The following HACL1 variants were observed in gnomAD, a reference collection of about 807,000 sequenced individuals.
HACL1 encodes 1600020H07Rik.
Under a neutral mutation model 74.2 loss-of-function variants are expected in HACL1, and 64 were observed. The observed-to-expected ratio is 0.86, with a 90% CI of 0.70 to 1.06. The LOEUF is 1.06. HACL1 is among the 50% of genes least tolerant of loss of function. The probability of loss-of-function intolerance (pLI) is 0.00; values close to 1 mark genes in which losing one functional copy is unlikely to be tolerated. For synonymous variants in HACL1, 230 were observed against 238.8 expected, an observed-to-expected ratio of 0.96 and a Z score of 0.34; for missense variants, 728 against 719.7, an observed-to-expected ratio of 1.01 and a Z score of -0.13.
intron 12 of HACL1, among the ~76,000 whole-genome samples, chr3:15,569,990 C>CAA (rs537803277): frequency 3.2e-5 from 4 of 123,492 alleles, no homozygotes; most frequent in Non-Finnish European, 5.2e-5. Context: ...AACTCCATCT[C>CAA]AAAAAAAAAA....
At chr3:15,575,774 C>A (rs2063614345) in intron 9 of HACL1, among the ~76,000 whole-genome samples, 1 of 152,072 alleles carries the variant, frequency 6.6e-6, no homozygotes, top group African/African-American at 2.4e-5. Context: ...CTCCTGGTTT[C>A]AAGTGATTCG....
chr3:15,567,789 T>G (rs1364421353), intron 14 of HACL1, 55 bp downstream of exon 14: 1 of 1,502,514 alleles, frequency 6.7e-7, no homozygotes, highest in Non-Finnish European at 9.3e-7. Flanking sequence ...GGGTCTTGTG[T>G]GTCATTTTTC....
chr3:15,566,814 AC>A (rs1322801327), intron 14 of HACL1, among the ~76,000 whole-genome samples: 2 of 117,400 alleles, frequency 1.7e-5, no homozygotes, highest in African/African-American at 6.8e-5. Context: ...TGGTTAAGTG[AC>A]TTTTTTTTTT....
chr3:15,580,995 G>A (rs1188569053), intron 8 of HACL1, among the ~76,000 whole-genome samples: 16 of 152,228 alleles, frequency 1.1e-4, no homozygotes, highest in East Asian at 7.7e-4. Flanking sequence ...TCCACCTCCC[G>A]GGTTCAAGCG....
In HACL1 at chr3:15,601,568, C is replaced by T. The variant is rs745928979; in HGVS notation, c.-105G>A. 1.9e-6 allele frequency: 3 copies of T among 1,599,684 alleles called. No individual in the cohort carries two copies. The highest frequency in any genetic ancestry group is 2.7e-5 in the African/African-American group (2 of 74,882). ...GCACGCCACCTCTGGTACTGCACCT[C>T]TGACGGACAGGAGGGCAACCAACTG... On this transcript the variant is annotated 5_prime_UTR_variant, in exon 1 of 17. Transcript: ENST00000321169.
At position 15,596,385 on chromosome 3, in the gene HACL1, T is replaced by C. The variant is rs2064065165; in HGVS notation, c.226A>G (p.Arg76Gly). The change falls in exon 3 of 17, where the codon AGG becomes GGG. Residue 76 changes from arginine (R) to glycine (G), a missense_variant and splice_region_variant. Transcript: ENST00000321169. Reference protein sequence around the residue: ...AASAIGYLTSRPGVCLVVSGP... With the variant: ...AASAIGYLTSGPGVCLVVSGP... Reference sequence around the variant, plus strand: ...GAAGTGAAACAAATTTTAGTTTACCTGCTTGTCAGATATCCAATCGCGGAG... The same window carrying C: ...GAAGTGAAACAAATTTTAGTTTACCCGCTTGTCAGATATCCAATCGCGGAG... 3.8e-6 allele frequency: 6 copies of C among 1,579,336 alleles called. No homozygotes were observed. Among genetic ancestry groups the C allele is most frequent in the African/African-American group, 1.3e-5 (1 of 74,236 alleles).
At chr3:15,596,072 T>A (rs1311454803) in intron 3 of HACL1, 1 of 248,486 alleles carries the variant, frequency 4.0e-6, no homozygotes, top group African/African-American at 2.2e-5. Flanking sequence ...AACAGTCACA[T>A]TTTGAACCAA....
At chr3:15,570,840 C>T (rs370075727) in intron 12 of HACL1, among the ~76,000 whole-genome samples, 1 of 151,524 alleles carries the variant, frequency 6.6e-6, no homozygotes, top group Admixed American at 6.6e-5. Flanking sequence ...AAAAAGAAGG[C>T]TATACATTGG....
At chr3:15,587,493 T>C (rs1027157418) in intron 5 of HACL1, among the ~76,000 whole-genome samples, 1 of 147,790 alleles carries the variant, frequency 6.8e-6, no homozygotes, top group African/African-American at 2.5e-5. Flanking sequence ...CCTTTAGTTT[T>C]AAGGACTTCC....
At chr3:15,586,630 AT>A (rs2063800064) in intron 5 of HACL1, 28 bp from the exon 6 acceptor site, 1 of 1,284,738 alleles carries the variant, frequency 7.8e-7, no homozygotes, top group African/African-American at 1.5e-5. Context: ...ATCACTTAAA[AT>A]TCAGCTCACA....
intron 1 of HACL1, 73 bp from the exon 2 acceptor site, chr3:15,601,267 G>A: frequency 3.9e-6 from 6 of 1,547,710 alleles, no homozygotes; most frequent in Middle Eastern, 1.7e-4. Context: ...TCCCTCCCGG[G>A]CGCTAAAAGG....
intron 16 of HACL1, among the ~76,000 whole-genome samples, chr3:15,562,601 G>C (rs2063361581): frequency 6.6e-6 from 1 of 152,198 alleles, no homozygotes; most frequent in Non-Finnish European, 1.5e-5. Flanking sequence ...TCTGATAAGA[G>C]TGGCTGATAC....
intron 9 of HACL1, among the ~76,000 whole-genome samples, chr3:15,575,528 A>G (rs1270535919): frequency 6.8e-6 from 1 of 147,466 alleles, no homozygotes; most frequent in Non-Finnish European, 1.5e-5. Flanking sequence ...ATACTATAAT[A>G]CTGTCTCATA....
intron 16 of HACL1, among the ~76,000 whole-genome samples, chr3:15,561,361 G>C (rs760342265): frequency 6.6e-6 from 1 of 152,172 alleles, no homozygotes; most frequent in African/African-American, 2.4e-5. Context: ...CCTACACTGA[G>C]AATCAATGAT....
chr3:15,579,473 A>G (rs1019676057), intron 9 of HACL1, among the ~76,000 whole-genome samples: 2 of 152,230 alleles, frequency 1.3e-5, no homozygotes, highest in Non-Finnish European at 2.9e-5. Context: ...GGGACATGTC[A>G]GACAGTATCA....
rs533080793 is a variant in HACL1 at position 15,588,413 on chromosome 3, C to A, written c.381+1127G>T. Among the ~76,000 whole-genome samples the A allele has an allele frequency of 5.3e-4, 81 of 151,982 alleles. 1 individual carries two copies. The South Asian group carries it at 0.016, about 31-fold the overall frequency. ...TTCAAGACCAGCCTGGGCACCATGGCAAAACACTGTCTCTGCAAAAAGTAC... is the reference window on the plus strand; with the variant it reads ...TTCAAGACCAGCCTGGGCACCATGGAAAAACACTGTCTCTGCAAAAAGTAC... On this transcript the variant is annotated intron_variant, in intron 5 of 16. Transcript: ENST00000321169.
At chr3:15,590,103 T>C (rs1391603469) in intron 4 of HACL1, among the ~76,000 whole-genome samples, 1 of 148,696 alleles carries the variant, frequency 6.7e-6, no homozygotes, top group African/African-American at 2.5e-5. Flanking sequence ...GAACTTTCCT[T>C]AATATCAGAA....
At chr3:15,585,801 T>G (rs2063785398) in intron 6 of HACL1, among the ~76,000 whole-genome samples, 1 of 152,202 alleles carries the variant, frequency 6.6e-6, no homozygotes, top group African/African-American at 2.4e-5. Flanking sequence ...TAATACAGGT[T>G]GAGTATCTGT....
intron 3 of HACL1, among the ~76,000 whole-genome samples, chr3:15,592,550 A>ACG (rs1559561944): frequency 4.6e-4 from 63 of 138,182 alleles, no homozygotes; most frequent in Middle Eastern, 3.4e-3. Flanking sequence ...ATGTACGCAC[A>ACG]TGTGTGCGTG....
Sources: allele counts gnomAD v4.1 joint callset (sites outside exome capture counted in the v4.1 genomes callset), GRCh38; gene constraint gnomAD v4.1.1; transcripts MANE v1.5; gene names NCBI Gene and HGNC (gene_info 2026-07-23, HGNC 2026-07-21).